Variants in LY75 observed in about 807,000 individuals in gnomAD.
LY75 encodes lymphocyte antigen 75.
LY75 carries 185 observed loss-of-function variants against 231.7 expected under a neutral mutation model. That is an observed-to-expected ratio of 0.80 (90% CI 0.71 to 0.90). The LOEUF is 0.90. LY75 is among the 40% of genes least tolerant of loss of function. LY75 has a pLI of 0.00. For synonymous variants in LY75, 668 were observed against 689.0 expected (o/e 0.97, Z 0.48); for missense variants, 1,947 against 2,050.2 (o/e 0.95, Z 0.97).
intron 12 of LY75, among the ~76,000 whole-genome samples, chr2:159,875,207 T>C (rs1482279821): frequency 6.6e-6 from 1 of 151,638 alleles, no homozygotes; most frequent in Non-Finnish European, 1.5e-5. Context: ...AAAAAGACCT[T>C]GGGGTGGAGC....
intron 13 of LY75, among the ~76,000 whole-genome samples, chr2:159,870,983 T>C (rs1684998504): frequency 6.6e-6 from 1 of 152,160 alleles, no homozygotes; most frequent in Non-Finnish European, 1.5e-5. Flanking sequence ...GTATTGTTTT[T>C]ATCTTAATGT....
intron 2 of LY75, among the ~76,000 whole-genome samples, chr2:159,897,818 A>C (rs1025571149): frequency 6.6e-6 from 1 of 152,208 alleles, no homozygotes; most frequent in Non-Finnish European, 1.5e-5. Context: ...AATTACATTT[A>C]ATGGTTAAAA....
At chr2:159,885,735 C>A (rs1685564542) in intron 5 of LY75, among the ~76,000 whole-genome samples, 1 of 152,072 alleles carries the variant, frequency 6.6e-6, no homozygotes, top group Non-Finnish European at 1.5e-5. Flanking sequence ...GGAAATTTAG[C>A]AAACTAAATT....
intron 17 of LY75, 109 bp from the exon 18 acceptor site, chr2:159,854,644 C>T: frequency 1.5e-6 from 2 of 1,342,864 alleles, no homozygotes; most frequent in Non-Finnish European, 2.0e-6. Flanking sequence ...GATTACCGGC[C>T]CTCTCTGGCT....
At chr2:159,894,881 T>C (rs887931922) in intron 2 of LY75, among the ~76,000 whole-genome samples, 1 of 152,210 alleles carries the variant, frequency 6.6e-6, no homozygotes, top group Non-Finnish European at 1.5e-5. Flanking sequence ...GTTTGATACT[T>C]ATATCAATAC....
Position 159,898,433 on chromosome 2 carries a change from C to A in LY75, c.466+255G>T, listed in dbSNP as rs189876187. On this transcript the variant is annotated intron_variant, in intron 2 of 34. Transcript: ENST00000263636. ...GAAGTACATATCTATCTGATGAAAT[C>A]CCAGGTTTATCACAACATGGCTGTG... Among the ~76,000 whole-genome samples the A allele has an allele frequency of 3.3e-5, 5 of 152,168 alleles. No individual in the cohort carries two copies. The East Asian group carries it at 9.6e-4, about 29-fold the overall frequency.
At chr2:159,859,469 A>C (rs1445607236) in intron 15 of LY75, among the ~76,000 whole-genome samples, 1 of 151,668 alleles carries the variant, frequency 6.6e-6, no homozygotes, top group Non-Finnish European at 1.5e-5. Flanking sequence ...CTCCAAATCC[A>C]CTTCTTGGCC....
At chr2:159,832,746 T>G (rs1683702452) in intron 27 of LY75, among the ~76,000 whole-genome samples, 1 of 152,230 alleles carries the variant, frequency 6.6e-6, no homozygotes, top group Non-Finnish European at 1.5e-5. Flanking sequence ...TCTCAACCTT[T>G]TTCTTTTTTG....
At chr2:159,899,130 G>A in intron 1 of LY75, 71 bp from the exon 2 acceptor site, 2 of 1,557,356 alleles carry the variant, frequency 1.3e-6, no homozygotes, top group East Asian at 2.2e-5. Flanking sequence ...GCTGAGGAGA[G>A]TCTGAGCACT....
At chr2:159,849,344 G>A (rs1028351888) in intron 23 of LY75, among the ~76,000 whole-genome samples, 5 of 152,082 alleles carry the variant, frequency 3.3e-5, no homozygotes, top group African/African-American at 9.7e-5. Context: ...TGTGGTGTCA[G>A]CATAACTACT....
At chr2:159,858,606 C>T (rs527250617) in intron 15 of LY75, 130 bp from the exon 16 acceptor site, 1 of 1,015,598 alleles carries the variant, frequency 9.8e-7, no homozygotes, top group African/African-American at 1.7e-5. Flanking sequence ...GATAAATGAA[C>T]ACATGAATTA....
chr2:159,816,193 A>G (rs563616408), intron 30 of LY75, among the ~76,000 whole-genome samples: 2 of 152,202 alleles, frequency 1.3e-5, no homozygotes, highest in African/African-American at 4.8e-5. Context: ...TTTTTTGTAC[A>G]CAAGACCCTA....
chr2:159,835,955 C>T (rs1485530875), intron 25 of LY75, among the ~76,000 whole-genome samples: 4 of 152,126 alleles, frequency 2.6e-5, no homozygotes, highest in African/African-American at 9.7e-5. Context: ...GCCAGGCTGT[C>T]GATCCCCAGA....
intron 13 of LY75, 122 bp from the exon 14 acceptor site, chr2:159,865,042 T>C (rs1684821115): frequency 1.2e-6 from 1 of 834,834 alleles, no homozygotes; most frequent in South Asian, 3.6e-5. Context: ...AGAAGTCTTT[T>C]GAAATGAAAC....
intron 32 of LY75, among the ~76,000 whole-genome samples, chr2:159,810,030 T>G (rs567162123): frequency 6.6e-6 from 1 of 151,178 alleles, no homozygotes; most frequent in African/African-American, 2.4e-5. Context: ...GTACTTATTA[T>G]TAACATTGAT....
At chr2:159,862,993 A>C (rs913392428) in intron 14 of LY75, among the ~76,000 whole-genome samples, 3 of 147,516 alleles carry the variant, frequency 2.0e-5, no homozygotes, top group African/African-American at 7.5e-5. Flanking sequence ...CCACCATTCT[A>C]TTCTTTAGCT....
intron 4 of LY75, among the ~76,000 whole-genome samples, chr2:159,887,211 TCACACACACACACA>T (rs370794967): frequency 1.5e-5 from 2 of 129,978 alleles, no homozygotes; most frequent in African/African-American, 5.7e-5. Flanking sequence ...AGAGTGAGAG[TCACACACACACACA>T]CACACACACA....
At chr2:159,846,473 G>A (rs1283185809) in intron 23 of LY75, among the ~76,000 whole-genome samples, 4 of 152,072 alleles carry the variant, frequency 2.6e-5, no homozygotes, top group African/African-American at 9.7e-5. Flanking sequence ...AGTTATGAAT[G>A]CACCACCACA....
chr2:159,807,609 A>G (rs766143481), intron 33 of LY75: 1 of 985,316 alleles, frequency 1.0e-6, no homozygotes, highest in East Asian at 1.1e-4. Flanking sequence ...CCAGGACTCC[A>G]TTTTTGCTTT....
Sources: allele counts gnomAD v4.1 joint callset (sites outside exome capture counted in the v4.1 genomes callset), GRCh38; gene constraint gnomAD v4.1.1; transcripts MANE v1.5; gene names NCBI Gene and HGNC (gene_info 2026-07-23, HGNC 2026-07-21).